The following MAN1C1 variants were observed in gnomAD, a reference collection of about 807,000 sequenced individuals.
The protein encoded by MAN1C1 is mannosidase alpha class 1C member 1.
In MAN1C1, 49 loss-of-function variants were observed where a neutral mutation model predicts 71.5. That is an observed-to-expected ratio of 0.69 (90% CI 0.54 to 0.87). The LOEUF (loss-of-function observed/expected upper bound fraction) is 0.87, where lower values mean the gene tolerates loss of function less well. Among genes scored for constraint, MAN1C1 ranks in the 40% least tolerant of loss-of-function variants. MAN1C1 has a pLI of 0.00. For missense variants in MAN1C1, 743 were observed against 835.0 expected, an observed-to-expected ratio of 0.89 and a Z score of 1.36; for synonymous variants, 352 against 343.7, an observed-to-expected ratio of 1.02 and a Z score of -0.27.
At chr1:25,722,131 G>T (rs1436292663) in intron 2 of MAN1C1, among the ~76,000 whole-genome samples, 1 of 152,158 alleles carries the variant, frequency 6.6e-6, no homozygotes, top group South Asian at 2.1e-4. Context: ...CCGACATTCC[G>T]GATGAGAAAC....
intron 2 of MAN1C1, among the ~76,000 whole-genome samples, chr1:25,717,986 C>T (rs897528353): frequency 6.8e-6 from 1 of 147,760 alleles, no homozygotes; most frequent in Admixed American, 6.8e-5. Flanking sequence ...TGATATCACA[C>T]TATAGCTTTA....
rs1440794472 is a variant in MAN1C1, at chr1:25,735,514, G to GTA, written c.638-11146_638-11145dup. Among the ~76,000 whole-genome samples, 6 of 152,056 alleles carry GTA rather than the reference G, an allele frequency of 3.9e-5. No homozygotes were observed. The highest frequency in any genetic ancestry group is 1.4e-4 in the African/African-American group (6 of 41,390). On this transcript the variant is annotated intron_variant, in intron 2 of 11. Coordinates refer to ENST00000374332, the MANE Select transcript of MAN1C1 (RefSeq NM_020379.4). This position sits in a 1 kb window ranked among gnomAD's most constrained non-coding sequence, Gnocchi z 4.6. ...TGTATATGTGTGTATGTATGTGTGTGTATATATATGTGTATGTATATGTGT... is the reference window on the plus strand; with the variant it reads ...TGTATATGTGTGTATGTATGTGTGTGTATATATATATGTGTATGTATATGTGT...
In MAN1C1 at chr1:25,764,495, C is replaced by T. The variant is rs1414598834; in HGVS notation, c.1141+528C>T. On this transcript the variant is annotated intron_variant, in intron 7 of 11. Transcript: ENST00000374332. The surrounding 1 kb of genome is among the most constrained non-coding windows in gnomAD (Gnocchi z 4.4). ...TGGCACGATCTCGGCTCACTGCAAC[C>T]TCTGCCTCCCAGGTTCAAGTGATTC... 6.6e-6 allele frequency among the ~76,000 whole-genome samples: 1 copy of T among 152,028 alleles called. No individual in the cohort carries two copies. Among genetic ancestry groups the T allele is most frequent in the Non-Finnish European group, 1.5e-5 (1 of 68,018 alleles).
intron 2 of MAN1C1, among the ~76,000 whole-genome samples, chr1:25,738,342 C>G (rs909500773): frequency 6.6e-6 from 1 of 152,102 alleles, no homozygotes; most frequent in Non-Finnish European, 1.5e-5. Flanking sequence ...GGGTTTTATG[C>G]CGCCAGAAGA....
chr1:25,712,784 T>C (rs1417921326), intron 2 of MAN1C1, among the ~76,000 whole-genome samples: 1 of 152,170 alleles, frequency 6.6e-6, no homozygotes, highest in Non-Finnish European at 1.5e-5. Context: ...GGCTCCTGCA[T>C]GGCGGTGGGC....
chr1:25,734,933 C>T (rs1360592012), intron 2 of MAN1C1, among the ~76,000 whole-genome samples: 1 of 152,134 alleles, frequency 6.6e-6, no homozygotes, highest in Admixed American at 6.5e-5. Flanking sequence ...GATGTCTTCA[C>T]GGAGGAAGAA....
At chr1:25,691,765 T>C (rs2046312769) in intron 2 of MAN1C1, among the ~76,000 whole-genome samples, 1 of 152,216 alleles carries the variant, frequency 6.6e-6, no homozygotes, top group African/African-American at 2.4e-5. Flanking sequence ...GTAGGCTGTG[T>C]ACCTCTCACA....
intron 1 of MAN1C1, among the ~76,000 whole-genome samples, chr1:25,620,334 G>A (rs1052703406): frequency 6.6e-6 from 1 of 152,156 alleles, no homozygotes; most frequent in Non-Finnish European, 1.5e-5. Context: ...TGTTCAGCTA[G>A]CCCTCTCTTA....
intron 1 of MAN1C1, among the ~76,000 whole-genome samples, chr1:25,651,901 T>A (rs534239559): frequency 6.6e-6 from 1 of 152,290 alleles, no homozygotes; most frequent in South Asian, 2.1e-4. Flanking sequence ...AGCAACATGT[T>A]CCCACGTGAC....
chr1:25,642,406 G>A (rs1478250960), intron 1 of MAN1C1, among the ~76,000 whole-genome samples: 1 of 152,240 alleles, frequency 6.6e-6, no homozygotes, highest in African/African-American at 2.4e-5. Flanking sequence ...TCTCAGCCAT[G>A]CCAGGTGCTA....
intron 11 of MAN1C1, 77 bp from the exon 12 acceptor site, chr1:25,783,586 C>A: frequency 6.5e-7 from 1 of 1,542,070 alleles, no homozygotes; most frequent in Non-Finnish European, 8.8e-7. Flanking sequence ...GGCCCTGAGA[C>A]TTGTTCCCAG....
intron 1 of MAN1C1, among the ~76,000 whole-genome samples, chr1:25,681,160 A>G (rs1338763027): frequency 1.3e-5 from 2 of 151,414 alleles, no homozygotes; most frequent in African/African-American, 4.9e-5. Context: ...CGGCAGGTGG[A>G]GGTTGCGGTG....
At chr1:25,670,149 C>A (rs2124129174) in intron 1 of MAN1C1, among the ~76,000 whole-genome samples, 1 of 152,326 alleles carries the variant, frequency 6.6e-6, no homozygotes, top group Middle Eastern at 3.4e-3. Flanking sequence ...CCCTGTAAGC[C>A]CCAAAGGCTC....
intron 2 of MAN1C1, among the ~76,000 whole-genome samples, chr1:25,741,336 C>T (rs1211674555): frequency 6.6e-6 from 1 of 152,200 alleles, no homozygotes; most frequent in East Asian, 1.9e-4. Flanking sequence ...AAAGGAAGCC[C>T]AAAGGCAGAG....
chr1:25,761,913 G>A (rs1009513126), intron 6 of MAN1C1, among the ~76,000 whole-genome samples: 2 of 151,078 alleles, frequency 1.3e-5, no homozygotes, highest in African/African-American at 4.9e-5. Flanking sequence ...GTGAGCCACT[G>A]CACCCAGCCT....
chr1:25,772,556 C>T (rs1359256265), intron 8 of MAN1C1, among the ~76,000 whole-genome samples: 1 of 152,184 alleles, frequency 6.6e-6, no homozygotes, highest in African/African-American at 2.4e-5. Context: ...CTCAGTTTCC[C>T]CATAAAGCAA....
At chr1:25,680,467 C>T (rs1279493954) in intron 1 of MAN1C1, among the ~76,000 whole-genome samples, 1 of 152,162 alleles carries the variant, frequency 6.6e-6, no homozygotes, top group Non-Finnish European at 1.5e-5. Context: ...AGTCACTCCC[C>T]ATTTCTCCCT....
In MAN1C1 at chr1:25,725,041, A is replaced by C. The variant is rs2046814397; in HGVS notation, c.638-21627A>C. Among the ~76,000 whole-genome samples, 1 of 152,174 alleles carries C rather than the reference A, an allele frequency of 6.6e-6. No homozygotes were observed. The highest frequency in any genetic ancestry group is 2.4e-5 in the African/African-American group (1 of 41,442). On this transcript the variant is annotated intron_variant, in intron 2 of 11. Transcript: ENST00000374332. The surrounding 1 kb of genome is among the most constrained non-coding windows in gnomAD (Gnocchi z 4.8). ...GAAACTGATTATGTCTATAACACCA[A>C]CCCAGAGATAAGCATTTCAATTGGG... is the stretch of plus-strand genomic sequence containing the variant.
intron 1 of MAN1C1, among the ~76,000 whole-genome samples, chr1:25,676,329 T>A (rs1282156026): frequency 2.6e-5 from 4 of 152,048 alleles, no homozygotes; most frequent in African/African-American, 9.7e-5. Context: ...TCTCCCCTTC[T>A]ACTCCCCCGC....
Sources: gnomAD v4.1 joint callset for allele counts (sites outside exome capture counted in the v4.1 genomes callset) on GRCh38, gnomAD v4.1.1 for gene constraint, Gnocchi (gnomAD v3.1) non-coding constraint, MANE v1.5 for transcripts, NCBI Gene and HGNC (gene_info 2026-07-23, HGNC 2026-07-21) for gene names.